The following ANAPC7 variants were observed in gnomAD, a reference collection of about 807,000 sequenced individuals.
The protein encoded by ANAPC7 is anaphase-promoting complex subunit 7.
ANAPC7 carries 25 observed loss-of-function variants against 63.3 expected under a neutral mutation model. The ratio of observed to expected loss-of-function variants is 0.39; its 90% CI spans 0.29 to 0.55. The LOEUF is 0.55. Ranked by LOEUF, ANAPC7 falls within the 20% of genes least tolerant of loss-of-function variation. The pLI is 0.57. For missense variants in ANAPC7, 516 were observed against 691.7 expected (o/e 0.75, Z 2.85); for synonymous variants, 241 against 251.7 (o/e 0.96, Z 0.40).
At chr12:110,381,557 A>G (rs1881846900) in intron 8 of ANAPC7, among the ~76,000 whole-genome samples, 195 bp downstream of exon 8, 1 of 151,910 alleles carries the variant, frequency 6.6e-6, no homozygotes, top group Admixed American at 6.6e-5. Flanking sequence ...GGATGGTCTC[A>G]ATCTCTTGAC....
intron 1 of ANAPC7, among the ~76,000 whole-genome samples, chr12:110,397,536 C>T (rs1361362121): frequency 1.4e-5 from 2 of 141,142 alleles, no homozygotes; most frequent in Non-Finnish European, 3.0e-5. Context: ...TCCAGCCTGG[C>T]GACAGAGCGA....
rs961956388 is a variant in ANAPC7, at chr12:110,374,411, G to A, written c.1509-78C>T. On this transcript the variant is annotated intron_variant, in intron 10 of 10. Coordinates refer to ENST00000455511, the MANE Select transcript of ANAPC7 (RefSeq NM_016238.3). ...GGCTGATTCGTCATCTCCCTGGCCC[G>A]GCAGTGAAATGACCACACAGTCCCA... 18 of 1,442,810 alleles carry A rather than the reference G, an allele frequency of 1.2e-5. 1 individual carries two copies. The highest frequency in any genetic ancestry group is 1.8e-4 in the Middle Eastern group (1 of 5,634). The allele number at this position is 1,442,810 out of a possible 1,614,324, so 89.4% of individuals were successfully genotyped here. A position where few individuals can be genotyped will look rare whatever the true frequency, so the allele number is the denominator to read the frequency against.
At chr12:110,377,000 G>A (rs983090800) in intron 9 of ANAPC7, among the ~76,000 whole-genome samples, 1 of 151,868 alleles carries the variant, frequency 6.6e-6, no homozygotes, top group African/African-American at 2.4e-5. Flanking sequence ...AGCTGGGCAT[G>A]GTGGTGCACG....
chr12:110,380,149 G>C (rs1226234348), intron 8 of ANAPC7, among the ~76,000 whole-genome samples: 3 of 152,144 alleles, frequency 2.0e-5, no homozygotes, highest in African/African-American at 7.2e-5. Flanking sequence ...CCAGGAGTTC[G>C]GGACCAGCCT....
At chr12:110,403,211 G>A (rs1299815782) in intron 1 of ANAPC7, among the ~76,000 whole-genome samples, 1 of 152,224 alleles carries the variant, frequency 6.6e-6, no homozygotes, top group African/African-American at 2.4e-5. Flanking sequence ...GAAGGATTCA[G>A]CCTAGCGATG....
intron 3 of ANAPC7, among the ~76,000 whole-genome samples, chr12:110,394,077 G>A (rs1883343556): frequency 6.6e-6 from 1 of 151,562 alleles, no homozygotes; most frequent in Non-Finnish European, 1.5e-5. Context: ...CCAGGAGGCT[G>A]AGGCAGGAGA....
chr12:110,383,875 C>CAAAAAAAAAAAAAAAAAAAAA (rs1159374781), intron 6 of ANAPC7, among the ~76,000 whole-genome samples: 145 of 50,474 alleles, frequency 2.9e-3, no homozygotes, highest in Middle Eastern at 0.023. Flanking sequence ...GACTCCGTCT[C>CAAAAAAAAAAAAAAAAAAAAA]AAAAAAAAAA....
intron 1 of ANAPC7, among the ~76,000 whole-genome samples, chr12:110,401,603 CAA>C (rs920935514): frequency 1.3e-5 from 2 of 152,050 alleles, no homozygotes; most frequent in Admixed American, 6.6e-5. Context: ...TCAAATAACA[CAA>C]AGAGGCCAGA....
chr12:110,389,953 AC>A (rs1289106312), intron 3 of ANAPC7, among the ~76,000 whole-genome samples: 4 of 152,024 alleles, frequency 2.6e-5, no homozygotes, highest in African/African-American at 9.7e-5. Context: ...AAAAAAACCC[AC>A]AAAAACAAAA....
chr12:110,387,219 G>A (rs1398676983), intron 5 of ANAPC7: 3 of 141,298 alleles, frequency 2.1e-5, no homozygotes, highest in African/African-American at 8.0e-5. Context: ...GCCTGGGAGA[G>A]AGAGAGAGAG....
intron 1 of ANAPC7, among the ~76,000 whole-genome samples, chr12:110,399,351 T>C (rs1191085348): frequency 2.0e-5 from 3 of 148,666 alleles, no homozygotes; most frequent in Non-Finnish European, 4.5e-5. Flanking sequence ...AGTTAATTTC[T>C]CAACAAGCTA....
Position 110,379,644 on chromosome 12 carries a change from G to T in ANAPC7, c.1133-2027C>A, listed in dbSNP as rs1403719863. On this transcript the variant is annotated intron_variant, in intron 8 of 10. Transcript: ENST00000455511. ...CTCTTTCCCCCTCAACAAATCCAGA[G>T]GCATAGCTCTCTGGCTATATAAGCA... 2.6e-5 allele frequency among the ~76,000 whole-genome samples: 4 copies of T among 152,136 alleles called. No individual in the cohort carries two copies. In the South Asian group the frequency reaches 8.3e-4, roughly 32 times the overall value.
At chr12:110,374,487 G>A (rs1253867427) in intron 10 of ANAPC7, among the ~76,000 whole-genome samples, 154 bp from the exon 11 acceptor site, 4 of 152,140 alleles carry the variant, frequency 2.6e-5, no homozygotes, top group Non-Finnish European at 4.4e-5. Context: ...TTCCAAGGCT[G>A]GGTTGAGGGA....
At chr12:110,389,886 C>T (rs573533738) in intron 3 of ANAPC7, among the ~76,000 whole-genome samples, 1 of 151,398 alleles carries the variant, frequency 6.6e-6, no homozygotes, top group Non-Finnish European at 1.5e-5. Context: ...GAGCCGAGAT[C>T]GTGCCACTGC....
At position 110,387,870 on chromosome 12, in the gene ANAPC7, T is replaced by C. The variant is rs753234725; in HGVS notation, c.543A>G (p.Lys181=). 11 of 1,613,854 alleles carry C rather than the reference T, an allele frequency of 6.8e-6. No individual in the cohort carries two copies. The highest frequency in any genetic ancestry group is 8.5e-6 in the Non-Finnish European group (10 of 1,179,884). Residue 181 remains lysine, a synonymous_variant, in exon 5 of 11, where the codon AAA becomes AAG. Transcript: ENST00000455511. ...AILGLLSLSV[K]GAEVASMTMN... is the part of the protein sequence containing the mutation. ...TTGTCATGGATGCCACCTCTGCCCC[T>C]TTTACAGAAAGGGACAACAAGCCTA... is the stretch of plus-strand genomic sequence containing the variant.
intron 7 of ANAPC7, 35 bp downstream of exon 7, chr12:110,382,808 G>A (rs1251450274): frequency 6.6e-7 from 1 of 1,516,520 alleles, no homozygotes; most frequent in East Asian, 2.3e-5. Context: ...TTAATCTACT[G>A]ACAACTGGGG....
chr12:110,397,329 CAGATCACA>C (rs936927332), intron 1 of ANAPC7, among the ~76,000 whole-genome samples: 6 of 152,036 alleles, frequency 3.9e-5, no homozygotes, highest in Non-Finnish European at 5.9e-5. Context: ...CTGAGGCGGG[CAGATCACA>C]AGATCACAAG....
chr12:110,381,952 G>GAA lies in ANAPC7; in HGVS notation c.936-5_936-4insTT. 1.4e-4 allele frequency: 80 copies of GAA among 552,116 alleles called. No individual in the cohort carries two copies. Among genetic ancestry groups the GAA allele is most frequent in the South Asian group, 8.0e-4 (19 of 23,874 alleles). 34.2% of individuals were successfully genotyped at this position (552,116 alleles called of 1,614,324 possible). On this transcript the variant is annotated splice_polypyrimidine_tract_variant and splice_region_variant and intron_variant, in intron 7 of 10. Transcript: ENST00000455511. ...TTTGCTATAGAAGCTGTGACAGCTG[G>GAA]AGAAAAAAAAAAAAAAAAAAACACA... is the stretch of plus-strand genomic sequence containing the variant.
chr12:110,374,456 G>A, intron 10 of ANAPC7, 123 bp from the exon 11 acceptor site: 1 of 919,542 alleles, frequency 1.1e-6, no homozygotes, highest in Non-Finnish European at 1.6e-6. Context: ...CTAAAGCCTG[G>A]CCTCTCCAAA....
Sources: allele counts gnomAD v4.1 joint callset (sites outside exome capture counted in the v4.1 genomes callset), GRCh38; gene constraint gnomAD v4.1.1; transcripts MANE v1.5; gene names NCBI Gene and HGNC (gene_info 2026-07-23, HGNC 2026-07-21).